GRIK2: variants seen among roughly 807,000 people sequenced by gnomAD.
GRIK2 encodes the protein glutamate receptor ionotropic, kainate 2.
A neutral mutation model predicts 100.3 loss-of-function variants in GRIK2; 32 were observed. The ratio of observed to expected loss-of-function variants is 0.32; its 90% CI spans 0.24 to 0.43. The LOEUF is 0.43. Ranked by LOEUF, GRIK2 falls within the 20% of genes least tolerant of loss-of-function variation. The pLI, the probability that GRIK2 is intolerant of heterozygous loss-of-function variation, is 1.00. For missense variants in GRIK2, 843 were observed against 1,114.9 expected (o/e 0.76, Z 3.47); for synonymous variants, 417 against 389.4 (o/e 1.07, Z -0.83).
intron 2 of GRIK2, among the ~76,000 whole-genome samples, chr6:101,487,314 C>G (rs2579945): frequency 0.098 from 14,255 of 145,720 alleles, 1,987 homozygotes; most frequent in Middle Eastern, 0.15. Context: ...AGACACTGAC[C>G]ATTCTAGGAC....
chr6:101,994,459 T>A (rs2128493154), intron 14 of GRIK2, among the ~76,000 whole-genome samples: 1 of 151,988 alleles, frequency 6.6e-6, no homozygotes, highest in Non-Finnish European at 1.5e-5. Context: ...ATAAAAATTA[T>A]GGTAGAAATG....
At chr6:101,431,667 T>C (rs1375918748) in intron 2 of GRIK2, 1 of 152,224 alleles carries the variant, frequency 6.6e-6, no homozygotes, top group Admixed American at 6.5e-5. Flanking sequence ...TAACTTATGG[T>C]ATTACATATT....
chr6:101,767,199 C>A (rs184763377), intron 7 of GRIK2, among the ~76,000 whole-genome samples: 148 of 152,272 alleles, frequency 9.7e-4, no homozygotes, highest in Admixed American at 3.9e-3. Flanking sequence ...CAGCACAATA[C>A]TTTTATAATT....
At chr6:101,999,762 G>A (rs1279833278) in intron 14 of GRIK2, among the ~76,000 whole-genome samples, 1 of 152,006 alleles carries the variant, frequency 6.6e-6, no homozygotes, top group Non-Finnish European at 1.5e-5. Flanking sequence ...TATCAAAGGG[G>A]AAAACATTCA....
At chr6:101,759,740 A>G (rs909779708) in intron 7 of GRIK2, among the ~76,000 whole-genome samples, 10 of 152,116 alleles carry the variant, frequency 6.6e-5, no homozygotes, top group African/African-American at 1.9e-4. Context: ...TGTGTTTGTA[A>G]TTATTCAAAA....
At chr6:101,740,867 C>T (rs1021901717) in intron 7 of GRIK2, among the ~76,000 whole-genome samples, 4 of 152,082 alleles carry the variant, frequency 2.6e-5, no homozygotes, top group South Asian at 2.1e-4. Context: ...GGGTAAAGCA[C>T]GAAGCCATTC....
At chr6:101,779,879 A>C (rs6570992) in intron 7 of GRIK2, among the ~76,000 whole-genome samples, 27,401 of 150,104 alleles carry the variant, frequency 0.18, 2,743 homozygotes, top group African/African-American at 0.26. Flanking sequence ...CTCTCTCTCT[A>C]TATATATATA....
At chr6:101,779,802 A>T (rs1039841536) in intron 7 of GRIK2, among the ~76,000 whole-genome samples, 3 of 152,176 alleles carry the variant, frequency 2.0e-5, no homozygotes, top group Non-Finnish European at 4.4e-5. Flanking sequence ...GTGTGTATGT[A>T]TAATATATAA....
intron 7 of GRIK2, among the ~76,000 whole-genome samples, chr6:101,786,265 T>C (rs1405350148): frequency 2.6e-5 from 4 of 151,576 alleles, no homozygotes; most frequent in South Asian, 2.1e-4. Context: ...AATTTGACTT[T>C]TTTTTTTTCC....
chr6:101,964,790 C>T (rs774494057), intron 14 of GRIK2, among the ~76,000 whole-genome samples: 4 of 152,066 alleles, frequency 2.6e-5, no homozygotes, highest in Non-Finnish European at 4.4e-5. Flanking sequence ...AGACTTTTTA[C>T]TTATGGATCC....
At chr6:101,645,202 A>G (rs1466085479) in intron 4 of GRIK2, among the ~76,000 whole-genome samples, 1 of 151,772 alleles carries the variant, frequency 6.6e-6, no homozygotes, top group African/African-American at 2.4e-5. Context: ...ATCTTACCCA[A>G]ATGAGTCATT....
chr6:102,000,136 G>A (rs905633915), intron 14 of GRIK2, among the ~76,000 whole-genome samples: 4 of 151,546 alleles, frequency 2.6e-5, no homozygotes, highest in Non-Finnish European at 4.4e-5. Context: ...TCTGTTTTCG[G>A]TTATGTTTGT....
chr6:101,533,084 G>A (rs930287664), intron 2 of GRIK2, among the ~76,000 whole-genome samples: 20 of 151,782 alleles, frequency 1.3e-4, no homozygotes, highest in African/African-American at 4.8e-4. Flanking sequence ...ATCAACATAG[G>A]TTCTATTCAT....
intron 11 of GRIK2, among the ~76,000 whole-genome samples, chr6:101,860,702 A>T (rs1472280277): frequency 3.3e-5 from 5 of 152,106 alleles, no homozygotes; most frequent in Non-Finnish European, 7.4e-5. Flanking sequence ...TTCAGTGGTG[A>T]AGTCTTCTGA....
chr6:101,520,365 T>C (rs1295118531), intron 2 of GRIK2, among the ~76,000 whole-genome samples: 1 of 150,104 alleles, frequency 6.7e-6, no homozygotes, highest in Admixed American at 6.7e-5. Flanking sequence ...TATATTACAA[T>C]ATATATTACA....
intron 2 of GRIK2, among the ~76,000 whole-genome samples, chr6:101,587,045 A>G (rs1447532465): frequency 6.6e-6 from 1 of 152,044 alleles, no homozygotes; most frequent in African/African-American, 2.4e-5. Flanking sequence ...TTTTATTCAC[A>G]GGGTTGAGGA....
intron 12 of GRIK2, among the ~76,000 whole-genome samples, chr6:101,915,409 A>G (rs910238525): frequency 1.3e-5 from 2 of 151,506 alleles, no homozygotes; most frequent in African/African-American, 4.8e-5. Context: ...CAAGCAAACA[A>G]ATAATAAAAC....
rs770178884 is a variant in GRIK2, at chr6:101,963,509, CTT to C, written c.2085+34892_2085+34893del. On this transcript the variant is annotated intron_variant, in intron 14 of 16. Transcript: ENST00000369134. ...TTTTTCTCTTTTTCTTTCTTTCTTT[CTT>C]TTTTTTTTTTTTTTGTATTTTTAGT... Among the ~76,000 whole-genome samples, 925 of 106,086 alleles carry C rather than the reference CTT, an allele frequency of 8.7e-3. 9 individuals are homozygous for C. Among genetic ancestry groups the C allele is most frequent in the African/African-American group, 0.034 (882 of 26,184 alleles). 69.6% of individuals were successfully genotyped at this position (106,086 alleles called of 152,430 possible). A position where few individuals can be genotyped will look rare whatever the true frequency, so the allele number is the denominator to read the frequency against.
At chr6:101,726,302 T>C (rs1774860926) in intron 7 of GRIK2, among the ~76,000 whole-genome samples, 1 of 152,020 alleles carries the variant, frequency 6.6e-6, no homozygotes, top group South Asian at 2.1e-4. Context: ...TAGTGTCTGT[T>C]GATTCAGAAG....
Sources: gnomAD v4.1 joint callset for allele counts (sites outside exome capture counted in the v4.1 genomes callset) on GRCh38, gnomAD v4.1.1 for gene constraint, MANE v1.5 for transcripts, NCBI Gene and HGNC (gene_info 2026-07-23, HGNC 2026-07-21) for gene names.